The following DDIT4L variants were observed in gnomAD, a reference collection of about 807,000 sequenced individuals.
DDIT4L encodes DNA damage-inducible transcript 4-like protein.
In DDIT4L, 13 loss-of-function variants were observed where a neutral mutation model predicts 15.9. That is an observed-to-expected ratio of 0.82 (90% confidence interval 0.53 to 1.30). The LOEUF is 1.30. DDIT4L is among the 50% of genes most tolerant of loss of function. The pLI is 0.00. For synonymous variants in DDIT4L, 82 were observed against 85.4 expected (o/e 0.96, Z 0.22); for missense variants, 235 against 224.8 (o/e 1.05, Z -0.29).
At position 100,187,903 on chromosome 4, in the gene DDIT4L, TTACA is replaced by T. The variant is rs775177490; in HGVS notation, c.352_355del (p.Cys118LysfsTer50). On this transcript the variant is annotated frameshift_variant, in exon 3 of 3. Transcript: ENST00000273990. LOFTEE classifies it high-confidence loss of function. The stretch of plus-strand genomic sequence containing the variant: ...ATCACACACAATCCTATCCAGCTTT[TTACA>T]TACATTTTCAATTTCCAAGTTCACG... The T allele has an allele frequency of 6.2e-7, 1 of 1,613,996 alleles. No homozygotes were observed. The highest frequency in any genetic ancestry group is 8.5e-7 in the Non-Finnish European group (1 of 1,180,004).
rs112236091 is a variant in DDIT4L, at chr4:100,187,933, T to C, written c.326A>G (p.His109Arg). The change falls in exon 3 of 3, where the codon CAC (histidine) becomes CGC (arginine). Residue 109 changes from histidine (H) to arginine (R), a missense_variant. By Grantham distance (29) the His-to-Arg change is conservative. Transcript: ENST00000273990. ...TACATTTTCAATTTCCAAGTTCACG[T>C]GCATAACACAACCTCGCAAGCCGCA... ...EPCGLRGCVM[H>R]VNLEIENVCK... The C allele has an allele frequency of 1.2e-6, 2 of 1,614,150 alleles. No individual in the cohort carries two copies. The highest frequency in any genetic ancestry group is 8.5e-7 in the Non-Finnish European group (1 of 1,180,040).
chr4:100,186,614 A>G lies in DDIT4L; in HGVS notation c.*1063T>C, dbSNP rs1335201995. 1 of 152,222 alleles carries G rather than the reference A, an allele frequency of 6.6e-6. No individual in the cohort carries two copies. Among genetic ancestry groups the G allele is most frequent in the Non-Finnish European group, 1.5e-5 (1 of 68,048 alleles). The allele number at this position is 152,222 out of a possible 1,614,324, so 9.4% of individuals were successfully genotyped here. ...CATTCTCTAGGCTGTACTATAAACC[A>G]TATCTCCATAGCCAATGCAGACTTC... On this transcript the variant is annotated 3_prime_UTR_variant, in exon 3 of 3. Transcript: ENST00000273990.
At chr4:100,189,243 C>T (rs555984837) in intron 2 of DDIT4L, among the ~76,000 whole-genome samples, 1 of 152,328 alleles carries the variant, frequency 6.6e-6, no homozygotes, top group East Asian at 1.9e-4. Flanking sequence ...TGTTAAAATT[C>T]CAAATGACAG....
At position 100,187,965 on chromosome 4, in the gene DDIT4L, C is replaced by T. The variant is rs141348282; in HGVS notation, c.294G>A (p.Thr98=). The T allele has an allele frequency of 7.4e-5, 120 of 1,614,082 alleles. 1 individual carries two copies. The South Asian group carries it at 9.8e-4, about 13-fold the overall frequency. Residue 98 remains threonine (T), a synonymous_variant, in exon 3 of 3, where the codon ACG becomes ACA. Coordinates refer to ENST00000273990, the MANE Select transcript of DDIT4L (RefSeq NM_145244.4). ...CACAACCTCGCAAGCCGCAGGGCTC[C>T]GTTGAGGAAAGCCGCAGGACATCTT... ...IAQDVLRLSS[T]EPCGLRGCVM...
chr4:100,189,808 G>C (rs1723484205), intron 2 of DDIT4L, 85 bp downstream of exon 2: 1 of 1,270,862 alleles, frequency 7.9e-7, no homozygotes, highest in Non-Finnish European at 1.1e-6. Context: ...TAGAGGTAGG[G>C]GAGGAAGTCG....
rs1181236374 is a variant in DDIT4L, at chr4:100,186,753, C to G, written c.*924G>C. On this transcript the variant is annotated 3_prime_UTR_variant, in exon 3 of 3. Transcript: ENST00000273990. ...AGAAAAGCCCAGAGATGAGATAACA[C>G]TGCCATGGTGAAATGGTTCATCTGA... 2 of 152,164 alleles carry G rather than the reference C, an allele frequency of 1.3e-5. No homozygotes were observed. Among genetic ancestry groups the G allele is most frequent in the Non-Finnish European group, 2.9e-5 (2 of 68,044 alleles). 9.4% of individuals were successfully genotyped at this position (152,164 alleles called of 1,614,324 possible). A position where few individuals can be genotyped will look rare whatever the true frequency, so the allele number is the denominator to read the frequency against.
At position 100,187,839 on chromosome 4, in the gene DDIT4L, A is replaced by G; in HGVS notation, c.420T>C (p.Phe140=). The G allele has an allele frequency of 6.2e-7, 1 of 1,613,744 alleles. No homozygotes were observed. Among genetic ancestry groups the G allele is most frequent in the Non-Finnish European group, 8.5e-7 (1 of 1,179,962 alleles). ...VVPTFELTLV[F]KQENCSWTSF... is the part of the protein sequence containing the mutation. ...TAGTCCATGAGCAGTTCTCCTGCTT[A>G]AACACAAGTGTAAGCTCAAAAGTAG... Residue 140 remains phenylalanine, a synonymous_variant, in exon 3 of 3, where the codon TTT becomes TTC. Transcript: ENST00000273990.
rs758099451 is a variant in DDIT4L at position 100,187,947 on chromosome 4, T to C, written c.312A>G (p.Arg104=). The C allele has an allele frequency of 6.2e-7, 1 of 1,613,968 alleles. No homozygotes were observed. Among genetic ancestry groups the C allele is most frequent in the African/African-American group, 1.3e-5 (1 of 74,898 alleles). ...CCAAGTTCACGTGCATAACACAACCTCGCAAGCCGCAGGGCTCCGTTGAGG... is the reference window on the plus strand; with the variant it reads ...CCAAGTTCACGTGCATAACACAACCCCGCAAGCCGCAGGGCTCCGTTGAGG... ...RLSSTEPCGL[R]GCVMHVNLEI... The change falls in exon 3 of 3, where the codon CGA becomes CGG. Residue 104 remains arginine (R), a synonymous_variant. Coordinates refer to ENST00000273990, the MANE Select transcript of DDIT4L (RefSeq NM_145244.4).
At position 100,188,113 on chromosome 4, in the gene DDIT4L, A is replaced by C; in HGVS notation, c.146T>G (p.Phe49Cys). The C allele has an allele frequency of 6.2e-7, 1 of 1,613,750 alleles. No individual in the cohort carries two copies. The highest frequency in any genetic ancestry group is 8.5e-7 in the Non-Finnish European group (1 of 1,180,020). Residue 49 changes from phenylalanine to cysteine, a missense_variant, in exon 3 of 3, where the codon TTT becomes TGT. By Grantham distance (205) the Phe-to-Cys change is radical. Coordinates refer to ENST00000273990, the MANE Select transcript of DDIT4L (RefSeq NM_145244.4). ...CAAATTCTGGCAAGTTGATTCCTCA[A>C]ATATTACCTCGTTGAGGTTGGGTTC... ...VPEPNLNEVIFEESTCQNLVK... is the reference protein window; with the variant it reads ...VPEPNLNEVICEESTCQNLVK...
At chr4:100,190,085 C>A in intron 1 of DDIT4L, 53 bp from the exon 2 acceptor site, 2 of 1,133,032 alleles carry the variant, frequency 1.8e-6, no homozygotes, top group Non-Finnish European at 2.6e-6. Flanking sequence ...GCGAGTCGTG[C>A]AGAGGCTCCT....
Position 100,187,552 on chromosome 4 carries a change from A to G in DDIT4L, c.*125T>C. On this transcript the variant is annotated 3_prime_UTR_variant, in exon 3 of 3. Coordinates refer to ENST00000273990, the MANE Select transcript of DDIT4L (RefSeq NM_145244.4). ...GTTGCTATGAATGTGAAACACAGAA[A>G]GAAAAGAGACTACATTTGGGGTTTC... 1 of 1,092,868 alleles carries G rather than the reference A, an allele frequency of 9.2e-7. No homozygotes were observed. Among genetic ancestry groups the G allele is most frequent in the Non-Finnish European group, 1.3e-6 (1 of 797,684 alleles). The allele number at this position is 1,092,868 out of a possible 1,614,324, so 67.7% of individuals were successfully genotyped here. A position where few individuals can be genotyped will look rare whatever the true frequency, so the allele number is the denominator to read the frequency against.
chr4:100,186,118 G>C lies in DDIT4L; in HGVS notation c.*1559C>G, dbSNP rs1723416262. 1 of 152,180 alleles carries C rather than the reference G, an allele frequency of 6.6e-6. No homozygotes were observed. The highest frequency in any genetic ancestry group is 2.1e-4 in the South Asian group (1 of 4,828). The allele number at this position is 152,180 out of a possible 1,614,324, so 9.4% of individuals were successfully genotyped here. On this transcript the variant is annotated 3_prime_UTR_variant, in exon 3 of 3. Transcript: ENST00000273990. ...AGTGAACCTTTGGAGCTTAACAATA[G>C]CCATGCAAAACAACATAGATTTATC...
Position 100,187,315 on chromosome 4 carries a change from A to G in DDIT4L, c.*362T>C, listed in dbSNP as rs1204209874. On this transcript the variant is annotated 3_prime_UTR_variant, in exon 3 of 3. Transcript: ENST00000273990. Reference sequence around the variant, plus strand: ...AACTTACAGAAAAAAAAGCCATATGAAAATCAAAATAGGCAAATCTGGTTT... The same window carrying G: ...AACTTACAGAAAAAAAAGCCATATGGAAATCAAAATAGGCAAATCTGGTTT... The G allele has an allele frequency of 6.3e-6, 1 of 158,416 alleles. No individual in the cohort carries two copies. Among genetic ancestry groups the G allele is most frequent in the African/African-American group, 2.4e-5 (1 of 41,686 alleles). 9.8% of individuals were successfully genotyped at this position (158,416 alleles called of 1,614,324 possible). A position where few individuals can be genotyped will look rare whatever the true frequency, so the allele number is the denominator to read the frequency against.
intron 1 of DDIT4L, 116 bp from the exon 2 acceptor site, chr4:100,190,148 G>T (rs1723492281): frequency 1.4e-5 from 9 of 625,966 alleles, no homozygotes; most frequent in Non-Finnish European, 2.5e-5. Flanking sequence ...TTTGCCAAAG[G>T]GGTGGAACCG....
In DDIT4L at chr4:100,189,927, C is replaced by T; in HGVS notation, c.57G>A (p.Leu19=). ...SKNPASISEL[L]DCGYHPESLL... ...GGCTCTCTGGGTGATAGCCACAGTC[C>T]AGCAATTCTGAAATGCTGGCCGGGT... The change falls in exon 2 of 3, where the codon CTG becomes CTA. Residue 19 remains leucine (L), a synonymous_variant. Coordinates refer to ENST00000273990, the MANE Select transcript of DDIT4L (RefSeq NM_145244.4). 1 of 1,614,126 alleles carries T rather than the reference C, an allele frequency of 6.2e-7. No homozygotes were observed. Among genetic ancestry groups the T allele is most frequent in the South Asian group, 1.1e-5 (1 of 91,076 alleles).
chr4:100,187,724 T>C lies in DDIT4L; in HGVS notation c.535A>G (p.Lys179Glu), dbSNP rs779779103. ...GTTCCAATCAGTGAGTAAAGTTTTTTCTTAACAAGTCGAAATCCTGAGCTG... is the reference window on the plus strand; with the variant it reads ...GTTCCAATCAGTGAGTAAAGTTTTTCCTTAACAAGTCGAAATCCTGAGCTG... ...ILSSGFRLVK[K>E]KLYSLIGTTV... Residue 179 changes from lysine to glutamate, a missense_variant, in exon 3 of 3, where the codon AAA becomes GAA. Coordinates refer to ENST00000273990, the MANE Select transcript of DDIT4L (RefSeq NM_145244.4). The C allele has an allele frequency of 1.7e-5, 28 of 1,608,910 alleles. No homozygotes were observed. The South Asian group carries it at 2.8e-4, about 16-fold the overall frequency.
rs1196050724 is a variant in DDIT4L, at chr4:100,187,488, C to T, written c.*189G>A. ...GCAGAAAATCTACACTATTTTGAAT[C>T]ACTTCTCCAAAGGCCAGAAAATCAG... On this transcript the variant is annotated 3_prime_UTR_variant, in exon 3 of 3. Coordinates refer to ENST00000273990, the MANE Select transcript of DDIT4L (RefSeq NM_145244.4). 1 of 585,714 alleles carries T rather than the reference C, an allele frequency of 1.7e-6. No homozygotes were observed. The highest frequency in any genetic ancestry group is 2.8e-6 in the Non-Finnish European group (1 of 360,736). 36.3% of individuals were successfully genotyped at this position (585,714 alleles called of 1,614,324 possible).
At position 100,186,511 on chromosome 4, in the gene DDIT4L, C is replaced by G. The variant is rs898685893; in HGVS notation, c.*1166G>C. The G allele has an allele frequency of 6.6e-6, 1 of 152,082 alleles. No individual in the cohort carries two copies. Among genetic ancestry groups the G allele is most frequent in the Non-Finnish European group, 1.5e-5 (1 of 68,006 alleles). The allele number at this position is 152,082 out of a possible 1,614,324, so 9.4% of individuals were successfully genotyped here. On this transcript the variant is annotated 3_prime_UTR_variant, in exon 3 of 3. Transcript: ENST00000273990. ...AGTTGGAATAAGACAAAAAATCAGG[C>G]CTTTATTATTCCCTAGTGACAGGTA... is the stretch of plus-strand genomic sequence containing the variant.
chr4:100,187,609 G>GA lies in DDIT4L; in HGVS notation c.*67dup. ...AGGGCAGGTGGGGCAAACTACAAATGACTTTAGCTGACTAGCTGAATAGTT... is the reference window on the plus strand; with the variant it reads ...AGGGCAGGTGGGGCAAACTACAAATGAACTTTAGCTGACTAGCTGAATAGTT... On this transcript the variant is annotated 3_prime_UTR_variant, in exon 3 of 3. Coordinates refer to ENST00000273990, the MANE Select transcript of DDIT4L (RefSeq NM_145244.4). 6.6e-7 allele frequency: 1 copy of GA among 1,509,010 alleles called. No homozygotes were observed. Among genetic ancestry groups the GA allele is most frequent in the Non-Finnish European group, 8.8e-7 (1 of 1,135,636 alleles). The allele number at this position is 1,509,010 out of a possible 1,614,324, so 93.5% of individuals were successfully genotyped here. A position where few individuals can be genotyped will look rare whatever the true frequency, so the allele number is the denominator to read the frequency against.
Sources: allele counts gnomAD v4.1 joint callset (sites outside exome capture counted in the v4.1 genomes callset), GRCh38; gene constraint gnomAD v4.1.1; transcripts MANE v1.5; gene names NCBI Gene and HGNC (gene_info 2026-07-23, HGNC 2026-07-21).